Variants in VNN2 observed in about 807,000 individuals in gnomAD.
VNN2 encodes the protein vanin 2.
A neutral mutation model predicts 43.0 loss-of-function variants in VNN2; 43 were observed. That is an observed-to-expected ratio of 1.00 (90% CI 0.78 to 1.29). The LOEUF (loss-of-function observed/expected upper bound fraction) is 1.29, where lower values mean the gene tolerates loss of function less well. Ranked by LOEUF, VNN2 falls within the 50% of genes most tolerant of loss-of-function variation. The pLI is 0.00. For missense variants in VNN2, 652 were observed against 619.7 expected (o/e 1.05, Z -0.55); for synonymous variants, 230 against 224.3 (o/e 1.03, Z -0.23).
chr6:132,755,439 A>G (rs1032376934), intron 3 of VNN2, among the ~76,000 whole-genome samples: 7 of 150,040 alleles, frequency 4.7e-5, no homozygotes, highest in African/African-American at 1.5e-4. Context: ...CAGTGACACA[A>G]TCTCGGCTCA....
chr6:132,757,036 A>G (rs1460492372), intron 2 of VNN2, among the ~76,000 whole-genome samples: 1 of 152,172 alleles, frequency 6.6e-6, no homozygotes, highest in Non-Finnish European at 1.5e-5. Context: ...TCTGCCTAAG[A>G]AGCAACTCTG....
Position 132,747,645 on chromosome 6 carries a change from A to T in VNN2, c.1371+2050T>A, listed in dbSNP as rs35795346. On this transcript the variant is annotated intron_variant, in intron 6 of 6. Transcript: ENST00000326499. The stretch of plus-strand genomic sequence containing the variant: ...TAATAATAATAATTAAAAATAATTT[A>T]AAAAAATGTTTAAGAGTTGAGATGT... 1.6e-4 allele frequency among the ~76,000 whole-genome samples: 25 copies of T among 152,224 alleles called. No homozygotes were observed. The East Asian group carries it at 1.9e-3, about 12-fold the overall frequency.
At chr6:132,759,189 C>T (rs888275893), upstream of VNN2, among the ~76,000 whole-genome samples, 3 of 152,080 alleles carry the variant, frequency 2.0e-5, no homozygotes, top group Non-Finnish European at 4.4e-5. Flanking sequence ...GTAATCCTAG[C>T]ACTTTGGGAG....
chr6:132,751,560 C>CA, intron 4 of VNN2, 42 bp from the exon 5 acceptor site: 3 of 1,550,582 alleles, frequency 1.9e-6, no homozygotes, highest in Non-Finnish European at 2.6e-6. Flanking sequence ...ACACCACACA[C>CA]AAAAAAACCA....
intron 2 of VNN2, 32 bp downstream of exon 2, chr6:132,757,383 CT>C (rs1296883086): frequency 1.9e-6 from 3 of 1,566,370 alleles, no homozygotes; most frequent in Non-Finnish European, 2.6e-6. Context: ...TAGAGAGTTA[CT>C]TTTGCACAAA....
In VNN2 at chr6:132,749,682, A is replaced by ATT. The variant is rs781116722; in HGVS notation, c.1371+12_1371+13insAA. On this transcript the variant is annotated intron_variant, in intron 6 of 6. Transcript: ENST00000326499. ...CATATAAAATGAAAATACTCTTATAAAAGTCCTCTTACCTCAAATTTTCCA... is the reference window on the plus strand; with the variant it reads ...CATATAAAATGAAAATACTCTTATAATTAAGTCCTCTTACCTCAAATTTTCCA... 2.5e-6 allele frequency: 4 copies of ATT among 1,606,276 alleles called. No individual in the cohort carries two copies. The East Asian group carries it at 8.9e-5, about 36-fold the overall frequency.
Position 132,749,847 on chromosome 6 carries a change from A to C in VNN2, c.1219T>G (p.Cys407Gly), listed in dbSNP as rs1779947726. The C allele has an allele frequency of 6.2e-7, 1 of 1,614,082 alleles. No individual in the cohort carries two copies. ...CAAGTTGTCAAATTAGTAGTTTTGC[A>C]CTTCAGCAGTGTGCAGACCTATGTG... The part of the protein sequence containing the change: ...EYWQVCTLLK[C>G]KTTNLTTCGR... Residue 407 changes from cysteine to glycine, a missense_variant, in exon 6 of 7, where the codon TGC becomes GGC. Coordinates refer to ENST00000326499, the MANE Select transcript of VNN2 (RefSeq NM_004665.6).
upstream of VNN2, among the ~76,000 whole-genome samples, chr6:132,759,573 C>T (rs1378706559): frequency 6.6e-6 from 1 of 151,676 alleles, no homozygotes; most frequent in Non-Finnish European, 1.5e-5. Context: ...TATTTTTATC[C>T]AGCCCTTTGG....
At position 132,757,539 on chromosome 6, in the gene VNN2, C is replaced by A; in HGVS notation, c.221G>T (p.Arg74Leu). ...TGCATCTTCTGGAGTCACAATGATT[C>A]GAGCACCCTGTTCAAAACAAGCAAA... ...AIKQAAEQGA[R>L]IIVTPEDALY... is the part of the protein sequence containing the mutation. Residue 74 changes from arginine (R) to leucine (L), a missense_variant, in exon 2 of 7, where the codon CGA becomes CTA. By Grantham distance (102) the Arg-to-Leu change is moderately radical. Transcript: ENST00000326499. The A allele has an allele frequency of 6.2e-7, 1 of 1,613,368 alleles. No homozygotes were observed. Among genetic ancestry groups the A allele is most frequent in the Non-Finnish European group, 8.5e-7 (1 of 1,179,802 alleles).
At chr6:132,761,438 T>A (rs559366467), upstream of VNN2, among the ~76,000 whole-genome samples, 5 of 151,060 alleles carry the variant, frequency 3.3e-5, no homozygotes, top group South Asian at 1.0e-3. Context: ...GGCGGGCGAA[T>A]TATTTGAGGT....
At chr6:132,751,601 A>G (rs1780109021) in intron 4 of VNN2, 83 bp from the exon 5 acceptor site, 1 of 1,501,258 alleles carries the variant, frequency 6.7e-7, no homozygotes. Flanking sequence ...AGAATTGGGC[A>G]TGTGATCACG....
At chr6:132,761,562 A>G (rs1780739563), upstream of VNN2, among the ~76,000 whole-genome samples, 1 of 152,164 alleles carries the variant, frequency 6.6e-6, no homozygotes, top group Non-Finnish European at 1.5e-5. Context: ...CAGGAGGCTG[A>G]GGCGGGAGAA....
chr6:132,750,723 C>A (rs781597173), intron 5 of VNN2, among the ~76,000 whole-genome samples: 1 of 149,918 alleles, frequency 6.7e-6, no homozygotes, highest in African/African-American at 2.4e-5. Flanking sequence ...CCCGGGACAT[C>A]TGATTAGAAG....
chr6:132,750,513 A>ATATATATATATTTTTTTTTTTTTTT (rs201643856), intron 5 of VNN2, among the ~76,000 whole-genome samples: 6 of 78,516 alleles, frequency 7.6e-5, no homozygotes, highest in African/African-American at 2.9e-4. Context: ...ATATATATAT[A>ATATATATATATTTTTTTTTTTTTTT]TTTTTCCAGG....
chr6:132,757,276 A>G, intron 2 of VNN2, 140 bp downstream of exon 2: 1 of 1,083,804 alleles, frequency 9.2e-7, no homozygotes, highest in Non-Finnish European at 1.2e-6. Flanking sequence ...ACAATTTTTT[A>G]AAATCTGACA....
chr6:132,758,018 C>CTTTTTTTTTTTTTT (rs1332482113), upstream of VNN2: 3 of 158,988 alleles, frequency 1.9e-5, 1 homozygote, highest in African/African-American at 3.9e-4. Context: ...TCTTCTTCTT[C>CTTTTTTTTTTTTTT]TTCTTCTTCT....
At chr6:132,751,579 A>C (rs1305480435) in intron 4 of VNN2, 61 bp from the exon 5 acceptor site, 2 of 1,539,318 alleles carry the variant, frequency 1.3e-6, no homozygotes, top group African/African-American at 1.4e-5. Flanking sequence ...CAAAACTGCC[A>C]ATTTCCCCAT....
rs572919673 is a variant in VNN2 at position 132,745,550 on chromosome 6, C to T, written c.1372-1059G>A. 1.1e-4 allele frequency among the ~76,000 whole-genome samples: 17 copies of T among 152,218 alleles called. No individual in the cohort carries two copies. The South Asian group carries it at 1.5e-3, about 13-fold the overall frequency. On this transcript the variant is annotated intron_variant, in intron 6 of 6. Transcript: ENST00000326499. ...ATTCTTGAAGCTGGTGGGATCATGG[C>T]GGGAATATTGACACAATGAAAACTG... is the stretch of plus-strand genomic sequence containing the variant.
At chr6:132,750,086 G>A (rs375913845) in intron 5 of VNN2, among the ~76,000 whole-genome samples, 26 of 152,174 alleles carry the variant, frequency 1.7e-4, no homozygotes, top group Admixed American at 1.2e-3. Flanking sequence ...AAAGAAGTCA[G>A]TTTAGAATTA....
Sources: gnomAD v4.1 joint callset for allele counts (sites outside exome capture counted in the v4.1 genomes callset) on GRCh38, gnomAD v4.1.1 for gene constraint, MANE v1.5 for transcripts, NCBI Gene and HGNC (gene_info 2026-07-23, HGNC 2026-07-21) for gene names.